Variants in SHANK2 observed in about 807,000 individuals in gnomAD.
SHANK2 encodes SH3 and multiple ankyrin repeat domains 2, also known as SH3 and multiple ankyrin repeat domains protein 2.
A neutral mutation model predicts 133.7 loss-of-function variants in SHANK2; 43 were observed. The observed-to-expected ratio is 0.32, with a 90% CI of 0.25 to 0.41. The LOEUF (loss-of-function observed/expected upper bound fraction) is 0.41. Among genes scored for constraint, SHANK2 ranks in the 10% least tolerant of loss-of-function variants. The probability of loss-of-function intolerance (pLI) is 1.00; values close to 1 mark genes in which losing one functional copy is unlikely to be tolerated. For missense variants in SHANK2, 1,994 were observed against 2,235.8 expected, an observed-to-expected ratio of 0.89 and a Z score of 2.18; for synonymous variants, 1,017 against 952.8, an observed-to-expected ratio of 1.07 and a Z score of -1.24.
chr11:70,716,355 C>A (rs1041581228), intron 14 of SHANK2, among the ~76,000 whole-genome samples: 3 of 151,854 alleles, frequency 2.0e-5, no homozygotes, highest in African/African-American at 4.8e-5. Context: ...TGGGTGGGGG[C>A]GGGAGGATTC....
At chr11:70,932,002 C>T (rs556880135) in intron 10 of SHANK2, among the ~76,000 whole-genome samples, 6 of 152,248 alleles carry the variant, frequency 3.9e-5, no homozygotes, top group African/African-American at 1.2e-4. Context: ...TATTTATTAC[C>T]AATTTCCATA....
At chr11:70,879,713 C>G (rs1458571199) in intron 11 of SHANK2, among the ~76,000 whole-genome samples, 3 of 152,302 alleles carry the variant, frequency 2.0e-5, no homozygotes, top group South Asian at 4.1e-4. Flanking sequence ...CCATGCGGGG[C>G]CCCCCTCCCA....
chr11:71,123,491 G>A (rs1952116262), intron 3 of SHANK2, among the ~76,000 whole-genome samples: 2 of 152,140 alleles, frequency 1.3e-5, no homozygotes, highest in Admixed American at 6.5e-5. Context: ...GGACTTCCAG[G>A]TTGAGGGCCC....
chr11:71,197,067 C>T (rs1555116320), intron 2 of SHANK2, among the ~76,000 whole-genome samples: 1 of 151,728 alleles, frequency 6.6e-6, no homozygotes, highest in African/African-American at 2.4e-5. Context: ...TCACGTGCCT[C>T]GCTCTCTCCC....
At chr11:70,516,562 T>C (rs2059268942) in intron 17 of SHANK2, among the ~76,000 whole-genome samples, 1 of 152,246 alleles carries the variant, frequency 6.6e-6, no homozygotes, top group Non-Finnish European at 1.5e-5. Context: ...GATGATTTCT[T>C]AGATACAACA....
At chr11:70,673,678 C>A (rs779293788) in intron 15 of SHANK2, among the ~76,000 whole-genome samples, 3 of 152,264 alleles carry the variant, frequency 2.0e-5, no homozygotes, top group Non-Finnish European at 4.4e-5. Flanking sequence ...ACCAGGATCA[C>A]CTGCCCAACC....
chr11:70,597,583 G>C (rs577196404), intron 17 of SHANK2, among the ~76,000 whole-genome samples: 2 of 152,242 alleles, frequency 1.3e-5, no homozygotes, highest in South Asian at 4.2e-4. Flanking sequence ...GAAAATACCA[G>C]AGTGATGGGC....
chr11:70,944,748 G>A (rs1249182789), intron 10 of SHANK2, among the ~76,000 whole-genome samples: 2 of 152,104 alleles, frequency 1.3e-5, no homozygotes, highest in African/African-American at 2.4e-5. Flanking sequence ...CTTTGTCTTG[G>A]ATGATCTCTT....
chr11:71,078,597 G>T (rs995618993), intron 8 of SHANK2, among the ~76,000 whole-genome samples: 1 of 152,180 alleles, frequency 6.6e-6, no homozygotes, highest in Non-Finnish European at 1.5e-5. Context: ...CTCAGACACC[G>T]GACCAAACTG....
intron 2 of SHANK2, among the ~76,000 whole-genome samples, chr11:71,173,934 G>A (rs1590987513): frequency 6.6e-6 from 1 of 152,230 alleles, no homozygotes; most frequent in Non-Finnish European, 1.5e-5. Context: ...AGTGAGCACG[G>A]CCCTGCCGAT....
intron 17 of SHANK2, among the ~76,000 whole-genome samples, chr11:70,642,199 G>A (rs150804825): frequency 5.9e-5 from 9 of 152,306 alleles, no homozygotes; most frequent in South Asian, 2.1e-4. Context: ...TACTTGCTGC[G>A]CTGCGCCCTG....
chr11:71,140,326 G>C (rs1424286851), intron 3 of SHANK2, among the ~76,000 whole-genome samples: 1 of 152,182 alleles, frequency 6.6e-6, no homozygotes, highest in Admixed American at 6.5e-5. Flanking sequence ...GTTAAATCTG[G>C]GCTGGAGCAG....
chr11:70,558,011 A>G (rs565648668), intron 17 of SHANK2, among the ~76,000 whole-genome samples: 1 of 152,342 alleles, frequency 6.6e-6, no homozygotes, highest in South Asian at 2.1e-4. Flanking sequence ...ATCATCCTTC[A>G]TCTGCTGAGC....
intron 9 of SHANK2, among the ~76,000 whole-genome samples, chr11:71,065,233 G>C (rs1951033527): frequency 6.6e-6 from 1 of 152,186 alleles, no homozygotes; most frequent in East Asian, 1.9e-4. Flanking sequence ...CAGTGAGTGG[G>C]GAAGTTAGGG....
chr11:71,094,623 C>G lies in SHANK2; in HGVS notation c.658G>C (p.Gly220Arg), dbSNP rs569865218. Reference protein sequence around the residue: ...SVEVIKALKNGGAHLDFRAKD... With the variant: ...SVEVIKALKNRGAHLDFRAKD... ...GCACGGAAGTCCAGGTGAGCTCCAC[C>G]ATTTTTGAGAGCTTTGATGACCTCC... The change falls in exon 7 of 26, where the codon GGT becomes CGT. Residue 220 changes from glycine (G) to arginine (R), a missense_variant. Gly to Arg is a moderately radical substitution (Grantham distance 125, BLOSUM62 -2). Coordinates refer to ENST00000601538, the MANE Select transcript of SHANK2 (RefSeq NM_012309.5). The G allele has an allele frequency of 1.5e-5, 24 of 1,551,744 alleles. 1 individual carries two copies. The South Asian group carries it at 1.5e-4, about 10-fold the overall frequency.
chr11:70,516,091 G>A (rs1554970034), intron 17 of SHANK2, among the ~76,000 whole-genome samples: 1 of 152,058 alleles, frequency 6.6e-6, no homozygotes, highest in East Asian at 1.9e-4. Flanking sequence ...GACTAAGTTC[G>A]ATCACAGCCA....
At chr11:70,845,198 C>CAAAAAAAAAAAAAAAAAAAAAAAAAAAA (rs782471301) in intron 11 of SHANK2, among the ~76,000 whole-genome samples, 1 of 51,694 alleles carries the variant, frequency 1.9e-5, no homozygotes, top group African/African-American at 7.2e-5. Context: ...GACTCTGTCT[C>CAAAAAAAAAAAAAAAAAAAAAAAAAAAA]AAAAAAAAAA....
chr11:70,614,802 C>A (rs1591651778), intron 17 of SHANK2, among the ~76,000 whole-genome samples: 1 of 152,232 alleles, frequency 6.6e-6, no homozygotes, highest in East Asian at 1.9e-4. Context: ...CTGGGGTGAG[C>A]CTCTGAGCCC....
At chr11:70,767,564 C>T (rs190845651) in intron 14 of SHANK2, among the ~76,000 whole-genome samples, 7 of 152,126 alleles carry the variant, frequency 4.6e-5, no homozygotes, top group East Asian at 1.9e-4. Flanking sequence ...ACAATGTGGA[C>T]GAGCCTTGAG....
Sources: allele counts gnomAD v4.1 joint callset (sites outside exome capture counted in the v4.1 genomes callset), GRCh38; gene constraint gnomAD v4.1.1; transcripts MANE v1.5; gene names NCBI Gene and HGNC (gene_info 2026-07-23, HGNC 2026-07-21).